The following ACTR6 variants were observed in gnomAD, a reference collection of about 807,000 sequenced individuals.
The protein encoded by ACTR6 is actin related protein 6.
In ACTR6, 50 loss-of-function variants were observed where a neutral mutation model predicts 52.5. That is an observed-to-expected ratio of 0.95 (90% confidence interval 0.76 to 1.20). The LOEUF is 1.20. Among genes scored for constraint, ACTR6 ranks in the 50% most tolerant of loss-of-function variants. The pLI is 0.00. For synonymous variants in ACTR6, 135 were observed against 147.2 expected (o/e 0.92, Z 0.60); for missense variants, 344 against 472.4 (o/e 0.73, Z 2.52).
At chr12:100,219,313 G>A (rs1171202312) in intron 9 of ACTR6, among the ~76,000 whole-genome samples, 4 of 152,024 alleles carry the variant, frequency 2.6e-5, no homozygotes, top group African/African-American at 9.7e-5. Context: ...AGTGAGACTC[G>A]AGGTCAATAT....
rs192503223 is a variant in ACTR6 at position 100,218,001 on chromosome 12, T to C, written c.751-414T>C. On this transcript the variant is annotated intron_variant, in intron 8 of 10. Transcript: ENST00000188312. The surrounding 1 kb of genome is among the most constrained non-coding windows in gnomAD (Gnocchi z 4.2). The stretch of plus-strand genomic sequence containing the variant: ...CTCTCCTCCTTTTTTTCTTTGTATT[T>C]TAATTTTTGTTTTGTTTTTTAAGAG... Among the ~76,000 whole-genome samples the C allele has an allele frequency of 2.4e-3, 364 of 152,234 alleles. No individual in the cohort carries two copies. The highest frequency in any genetic ancestry group is 8.4e-3 in the African/African-American group (350 of 41,548).
intron 2 of ACTR6, 84 bp from the exon 3 acceptor site, chr12:100,205,592 A>T: frequency 1.2e-6 from 1 of 838,562 alleles, no homozygotes; most frequent in Non-Finnish European, 1.8e-6. Flanking sequence ...TCTGATTTTT[A>T]AAAATTATTC....
chr12:100,206,241 G>A (rs1277147478), intron 3 of ACTR6: 1 of 152,188 alleles, frequency 6.6e-6, no homozygotes, highest in African/African-American at 2.4e-5. Context: ...CACTTTGGGA[G>A]GCTGAGGCGG....
At chr12:100,205,542 C>T (rs1454353495) in intron 2 of ACTR6, 134 bp from the exon 3 acceptor site, 2 of 559,600 alleles carry the variant, frequency 3.6e-6, no homozygotes, top group Non-Finnish European at 2.9e-6. Context: ...CAGCATTACA[C>T]TGGAAATGGT....
rs758150828 is a variant in ACTR6 at position 100,205,013 on chromosome 12, A to G, written c.142A>G (p.Ile48Val). The G allele has an allele frequency of 1.9e-5, 30 of 1,611,804 alleles. No homozygotes were observed. The highest frequency in any genetic ancestry group is 2.5e-5 in the Non-Finnish European group (30 of 1,178,344). The change falls in exon 2 of 11, where the codon ATA becomes GTA. Residue 48 changes from isoleucine (I) to valine (V), a missense_variant. By Grantham distance (29) the Ile-to-Val change is conservative (BLOSUM62 3). Transcript: ENST00000188312. ...TTTTACTGCCAACCAGATAGATGAA[A>G]TAAAAGACCCTTCTGGACTCTTTTA... ...KTFTANQIDE[I>V]KDPSGLFYIL...
chr12:100,207,565 G>C (rs2096115887), intron 3 of ACTR6, 98 bp from the exon 4 acceptor site: 1 of 1,139,120 alleles, frequency 8.8e-7, no homozygotes, highest in Non-Finnish European at 1.2e-6. Context: ...AAGACATCAC[G>C]ATTATTGTGA....
chr12:100,220,494 A>G (rs1800537693), intron 10 of ACTR6, among the ~76,000 whole-genome samples: 1 of 151,220 alleles, frequency 6.6e-6, no homozygotes, highest in Admixed American at 6.6e-5. Flanking sequence ...TTATTTATTG[A>G]CAGTTTCTGT....
At chr12:100,210,266 A>G in intron 5 of ACTR6, 29 bp from the exon 6 acceptor site, 1 of 1,611,796 alleles carries the variant, frequency 6.2e-7, no homozygotes, top group African/African-American at 1.3e-5. Context: ...GATATGTGCG[A>G]TAATTAAATT....
In ACTR6 at chr12:100,212,478, ATAGAC is replaced by A. The variant is rs1395621723; in HGVS notation, c.703_707del (p.Asp235CysfsTer4). 2.5e-6 allele frequency: 4 copies of A among 1,613,802 alleles called. No homozygotes were observed. The African/African-American group carries it at 5.3e-5, about 22-fold the overall frequency. ...GAAAGGAGAAGAAAATACAGTAATGATAGACTATGTCTTGCCTGACTTCAGTACAA... is the reference window on the plus strand; with the variant it reads ...GAAAGGAGAAGAAAATACAGTAATGATATGTCTTGCCTGACTTCAGTACAA... On this transcript the variant is annotated frameshift_variant, in exon 8 of 11. Transcript: ENST00000188312. LOFTEE classifies it high-confidence loss of function.
At position 100,210,326 on chromosome 12, in the gene ACTR6, C is replaced by A. The variant is rs2096118798; in HGVS notation, c.547C>A (p.His183Asn). 1 of 1,613,974 alleles carries A rather than the reference C, an allele frequency of 6.2e-7. No individual in the cohort carries two copies. Residue 183 changes from histidine to asparagine, a missense_variant, in exon 6 of 11, where the codon CAT becomes AAT. Coordinates refer to ENST00000188312, the MANE Select transcript of ACTR6 (RefSeq NM_022496.5). Reference protein sequence around the residue: ...INVGGKLLTNHLKEIISYRQL... With the variant: ...INVGGKLLTNNLKEIISYRQL... ...TGTGGGAGGAAAACTCTTAACCAAT[C>A]ATCTAAAGGAGATCATATCTTACAG...
chr12:100,219,070 C>T (rs1027648407), intron 9 of ACTR6, among the ~76,000 whole-genome samples: 1 of 150,216 alleles, frequency 6.7e-6, no homozygotes, highest in Non-Finnish European at 1.5e-5. Context: ...AAATAATGTT[C>T]CAGAGTTTTA....
chr12:100,205,179 T>A, intron 2 of ACTR6, 122 bp downstream of exon 2: 11 of 547,718 alleles, frequency 2.0e-5, no homozygotes, highest in East Asian at 6.8e-5. Context: ...AAACCCAAAT[T>A]AAAATTTAAT....
chr12:100,212,055 A>G (rs1036886904), intron 6 of ACTR6, among the ~76,000 whole-genome samples: 2 of 152,182 alleles, frequency 1.3e-5, no homozygotes, highest in Non-Finnish European at 2.9e-5. Flanking sequence ...AAACTAGACT[A>G]ATACCTACCC....
At chr12:100,204,850 T>C in intron 1 of ACTR6, 90 bp from the exon 2 acceptor site, 1 of 797,818 alleles carries the variant, frequency 1.3e-6, no homozygotes, top group Non-Finnish European at 2.1e-6. Context: ...TAGGATACGC[T>C]AATCTTTTGG....
chr12:100,205,179 T>G (rs2096113447), intron 2 of ACTR6, 122 bp downstream of exon 2: 1 of 547,760 alleles, frequency 1.8e-6, no homozygotes, highest in Non-Finnish European at 3.1e-6. Flanking sequence ...AAACCCAAAT[T>G]AAAATTTAAT....
chr12:100,205,776 T>C, intron 3 of ACTR6, 32 bp downstream of exon 3: 1 of 1,233,058 alleles, frequency 8.1e-7, no homozygotes, highest in East Asian at 2.7e-5. Context: ...TAAAATTCTA[T>C]TTCCATGTTT....
In ACTR6 at chr12:100,218,128, G is replaced by A. The variant is rs1395500895; in HGVS notation, c.751-287G>A. ...GTGCTGGGATTACAGGTGTGAGCCA[G>A]GGCACCTGGCCCTCTTTGTATTTTA... On this transcript the variant is annotated intron_variant, in intron 8 of 10. Transcript: ENST00000188312. The surrounding 1 kb of genome is among the most constrained non-coding windows in gnomAD (Gnocchi z 4.2). 3.3e-5 allele frequency among the ~76,000 whole-genome samples: 5 copies of A among 152,102 alleles called. No homozygotes were observed. The highest frequency in any genetic ancestry group is 7.4e-5 in the Non-Finnish European group (5 of 67,976).
Position 100,212,343 on chromosome 12 carries a change from G to A in ACTR6, c.660G>A (p.Met220Ile). ...TGTCTCAGGATTTTTATAGAGACAT[G>A]GATATTGCAAAGTATGTATAATGAC... The part of the protein sequence containing the change: ...CYVSQDFYRD[M>I]DIAKLKGEEN... The change falls in exon 7 of 11, where the codon ATG (methionine) becomes ATA (isoleucine). Residue 220 changes from methionine (M) to isoleucine (I), a missense_variant. By Grantham distance (10) the Met-to-Ile change is conservative (BLOSUM62 1). Transcript: ENST00000188312. The A allele has an allele frequency of 6.2e-7, 1 of 1,608,128 alleles. No homozygotes were observed. Among genetic ancestry groups the A allele is most frequent in the Non-Finnish European group, 8.5e-7 (1 of 1,175,370 alleles).
At chr12:100,220,184 C>T in intron 10 of ACTR6, 38 bp downstream of exon 10, 2 of 1,576,420 alleles carry the variant, frequency 1.3e-6, no homozygotes, top group South Asian at 2.3e-5. Flanking sequence ...ACATGGAAGT[C>T]CACATGTAGA....
Sources: gnomAD v4.1 joint callset for allele counts (sites outside exome capture counted in the v4.1 genomes callset) on GRCh38, gnomAD v4.1.1 for gene constraint, Gnocchi (gnomAD v3.1) non-coding constraint, MANE v1.5 for transcripts, NCBI Gene and HGNC (gene_info 2026-07-23, HGNC 2026-07-21) for gene names.